TTI2: variants seen among roughly 807,000 people sequenced by gnomAD.
The protein encoded by TTI2 is TELO2-interacting protein 2.
In TTI2, 26 loss-of-function variants were observed where a neutral mutation model predicts 44.9. The observed-to-expected ratio is 0.58, with a 90% CI of 0.42 to 0.80. TTI2 has a LOEUF of 0.80. Among genes scored for constraint, TTI2 ranks in the 30% least tolerant of loss-of-function variants. The probability of loss-of-function intolerance (pLI) is 0.00; values close to 1 mark genes in which losing one functional copy is unlikely to be tolerated. For synonymous variants in TTI2, 254 were observed against 250.9 expected, an observed-to-expected ratio of 1.01 and a Z score of -0.12; for missense variants, 582 against 611.6, an observed-to-expected ratio of 0.95 and a Z score of 0.51.
At chr8:33,506,582 G>A (rs1222616599) in intron 4 of TTI2, among the ~76,000 whole-genome samples, 3 of 151,596 alleles carry the variant, frequency 2.0e-5, no homozygotes, top group African/African-American at 7.3e-5. Flanking sequence ...TAGTAGAGGC[G>A]GGGTTTCACC....
In TTI2 at chr8:33,510,810, T is replaced by C. The variant is rs146449564; in HGVS notation, c.648-878A>G. Among the ~76,000 whole-genome samples the C allele has an allele frequency of 5.1e-4, 78 of 152,296 alleles. No homozygotes were observed. The East Asian group carries it at 0.015, about 29-fold the overall frequency. On this transcript the variant is annotated intron_variant, in intron 2 of 7. Coordinates refer to ENST00000431156, the MANE Select transcript of TTI2 (RefSeq NM_001102401.4). Reference sequence around the variant, plus strand: ...TCCGTGTTCCTGGTAAAATGACAGTTACAGATACTTTTTCTCTCATTACTC... The same window carrying C: ...TCCGTGTTCCTGGTAAAATGACAGTCACAGATACTTTTTCTCTCATTACTC...
At chr8:33,502,086 G>A (rs1809101043) in intron 6 of TTI2, among the ~76,000 whole-genome samples, 1 of 152,112 alleles carries the variant, frequency 6.6e-6, no homozygotes, top group South Asian at 2.1e-4. Context: ...TGGGACTACA[G>A]GTGCGCGCCA....
chr8:33,509,979 CAAAAAAAAAAAA>C, intron 2 of TTI2, 47 bp from the exon 3 acceptor site: 1 of 416,694 alleles, frequency 2.4e-6, no homozygotes, highest in Non-Finnish European at 3.9e-6. Context: ...TGATAAGTAG[CAAAAAAAAAAAA>C]AAAAAAAACT....
At chr8:33,505,667 G>C (rs1286308316) in intron 4 of TTI2, among the ~76,000 whole-genome samples, 1 of 151,268 alleles carries the variant, frequency 6.6e-6, no homozygotes, top group African/African-American at 2.4e-5. Flanking sequence ...TTTTGCATTT[G>C]TTTTTTAGAC....
At position 33,508,120 on chromosome 8, in the gene TTI2, G is replaced by T. The variant is rs79723303; in HGVS notation, c.835-799C>A. On this transcript the variant is annotated intron_variant, in intron 3 of 7. Transcript: ENST00000431156. ...AAAAAAAAAAAAAAAAAAAAAAAAA[G>T]ACGAAAAATTTATCATTCTTAGTCT... is the stretch of plus-strand genomic sequence containing the variant. Among the ~76,000 whole-genome samples, 40 of 29,900 alleles carry T rather than the reference G, an allele frequency of 1.3e-3. 1 individual carries two copies. The highest frequency in any genetic ancestry group is 0.017 in the Middle Eastern group (1 of 58). 19.6% of individuals were successfully genotyped at this position (29,900 alleles called of 152,430 possible). A position where few individuals can be genotyped will look rare whatever the true frequency, so the allele number is the denominator to read the frequency against.
In TTI2 at chr8:33,512,002, C is replaced by T. The variant is rs1306986388; in HGVS notation, c.612G>A (p.Ser204=). The part of the protein sequence containing the change: ...GENEDEKGRL[S]VILGLLKPDL... ...CGGGTTTGAGAAGCCCTAGTATCACCGAAAGTCTCCCTTTCTCATCTTCAT... is the reference window on the plus strand; with the variant it reads ...CGGGTTTGAGAAGCCCTAGTATCACTGAAAGTCTCCCTTTCTCATCTTCAT... Residue 204 remains serine, a synonymous_variant, in exon 2 of 8, where the codon TCG becomes TCA. Transcript: ENST00000431156. 23 of 1,614,170 alleles carry T rather than the reference C, an allele frequency of 1.4e-5. No homozygotes were observed. In the South Asian group the frequency reaches 1.5e-4, roughly 11 times the overall value.
chr8:33,512,481 C>T lies in TTI2; in HGVS notation c.133G>A (p.Gly45Ser). Residue 45 changes from glycine (G) to serine (S), a missense_variant, in exon 2 of 8, where the codon GGC (glycine) becomes AGC (serine). Transcript: ENST00000431156. Reference sequence around the variant, plus strand: ...TTAAGAACTGCATCTTTTACATTGCCTCGTCGTGCCTCCGGGCGGGCAAGA... The same window carrying T: ...TTAAGAACTGCATCTTTTACATTGCTTCGTCGTGCCTCCGGGCGGGCAAGA... ...HCLARPEARR[G>S]NVKDAVLKDL... The T allele has an allele frequency of 6.2e-7, 1 of 1,613,694 alleles. No individual in the cohort carries two copies. The highest frequency in any genetic ancestry group is 8.5e-7 in the Non-Finnish European group (1 of 1,179,962).
rs750837906 is a variant in TTI2 at position 33,503,949 on chromosome 8, A to G, written c.928-14T>C. The G allele has an allele frequency of 6.2e-7, 1 of 1,613,758 alleles. No individual in the cohort carries two copies. The highest frequency in any genetic ancestry group is 8.5e-7 in the Non-Finnish European group (1 of 1,179,900). Reference sequence around the variant, plus strand: ...CAGGAGCACAGCCTAGGAGGAAGGAATGGAAGGACGGTGCATAGTTCATCC... The same window carrying G: ...CAGGAGCACAGCCTAGGAGGAAGGAGTGGAAGGACGGTGCATAGTTCATCC... On this transcript the variant is annotated splice_polypyrimidine_tract_variant and intron_variant, in intron 4 of 7. Transcript: ENST00000431156.
At position 33,507,262 on chromosome 8, in the gene TTI2, G is replaced by T; in HGVS notation, c.894C>A (p.Asn298Lys). ...RAQVLYHAIS[N>K]HLYTPEHHLI... ...GGTGGTGCTCTGGTGTGTACAGGTG[G>T]TTGGAAATGGCATGGTATAGGACCT... The change falls in exon 4 of 8, where the codon AAC (asparagine) becomes AAA (lysine). Residue 298 changes from asparagine to lysine, a missense_variant. Physicochemically the swap from Asn to Lys is moderately conservative, Grantham distance 94. Transcript: ENST00000431156. The T allele has an allele frequency of 6.2e-7, 1 of 1,614,178 alleles. No individual in the cohort carries two copies. The highest frequency in any genetic ancestry group is 8.5e-7 in the Non-Finnish European group (1 of 1,180,020).
intron 6 of TTI2, among the ~76,000 whole-genome samples, chr8:33,502,736 G>T (rs7462008): frequency 1.3e-5 from 2 of 152,154 alleles, no homozygotes; most frequent in African/African-American, 4.8e-5. Context: ...TAAGGCAGGA[G>T]AATCACTTGA....
intron 4 of TTI2, 25 bp downstream of exon 4, chr8:33,507,202 CCA>C: frequency 6.3e-7 from 1 of 1,592,024 alleles, no homozygotes; most frequent in Non-Finnish European, 8.6e-7. Context: ...GAATCCAGAC[CCA>C]GTTATGAAGA....
chr8:33,506,125 C>A (rs538897085), intron 4 of TTI2, among the ~76,000 whole-genome samples: 55 of 152,168 alleles, frequency 3.6e-4, no homozygotes, highest in Non-Finnish European at 7.2e-4. Flanking sequence ...ATGCAGTCAT[C>A]ATTCTGTACT....
In TTI2 at chr8:33,513,119, C is replaced by T. The variant is rs998441152; in HGVS notation, c.-137G>A. 1.2e-5 allele frequency: 2 copies of T among 160,720 alleles called. No individual in the cohort carries two copies. Among genetic ancestry groups the T allele is most frequent in the Admixed American group, 1.2e-4 (2 of 16,472 alleles). 10.0% of individuals were successfully genotyped at this position (160,720 alleles called of 1,614,324 possible). A position where few individuals can be genotyped will look rare whatever the true frequency, so the allele number is the denominator to read the frequency against. On this transcript the variant is annotated 5_prime_UTR_variant, in exon 1 of 8. Transcript: ENST00000431156. ...GCGCCCGCCGGTGTCTAACAGGATC[C>T]GGACCTAGCTCATATTGCTGCCGCA...
At chr8:33,502,455 G>T (rs937285856) in intron 6 of TTI2, among the ~76,000 whole-genome samples, 3 of 149,926 alleles carry the variant, frequency 2.0e-5, no homozygotes, top group Non-Finnish European at 4.4e-5. Context: ...TTTGACCACA[G>T]AATTTTTTTT....
At chr8:33,501,934 A>T (rs997605898) in intron 6 of TTI2, among the ~76,000 whole-genome samples, 11 of 151,926 alleles carry the variant, frequency 7.2e-5, no homozygotes, top group East Asian at 1.9e-4. Flanking sequence ...TGCTTTTTTT[A>T]AATTTTTATT....
At chr8:33,507,755 G>A (rs1809352043) in intron 3 of TTI2, among the ~76,000 whole-genome samples, 1 of 151,832 alleles carries the variant, frequency 6.6e-6, no homozygotes, top group African/African-American at 2.4e-5. Context: ...GAAAGCCAAG[G>A]TGAGAGGCTC....
At chr8:33,507,512 G>A (rs1392851074) in intron 3 of TTI2, among the ~76,000 whole-genome samples, 191 bp from the exon 4 acceptor site, 2 of 152,154 alleles carry the variant, frequency 1.3e-5, no homozygotes, top group Non-Finnish European at 2.9e-5. Context: ...GTCTCTTTCT[G>A]CATGCAGCAA....
chr8:33,508,617 CAAA>C (rs55717202), intron 3 of TTI2, among the ~76,000 whole-genome samples: 2 of 63,978 alleles, frequency 3.1e-5, no homozygotes, highest in Non-Finnish European at 5.5e-5. Flanking sequence ...GACTCTGCCT[CAAA>C]AAAAAAAAAA....
chr8:33,510,928 C>T (rs1809506311), intron 2 of TTI2, among the ~76,000 whole-genome samples: 1 of 152,192 alleles, frequency 6.6e-6, no homozygotes. Flanking sequence ...CTAAACATGG[C>T]TTTCTTAGCT....
Sources: allele counts gnomAD v4.1 joint callset (sites outside exome capture counted in the v4.1 genomes callset), GRCh38; gene constraint gnomAD v4.1.1; transcripts MANE v1.5; gene names NCBI Gene and HGNC (gene_info 2026-07-23, HGNC 2026-07-21).